CORIN: variants seen among roughly 807,000 people sequenced by gnomAD.
The protein encoded by CORIN is atrial natriuretic peptide-converting enzyme.
CORIN carries 117 observed loss-of-function variants against 125.3 expected under a neutral mutation model. The ratio of observed to expected loss-of-function variants is 0.93; its 90% CI spans 0.80 to 1.09. The LOEUF (loss-of-function observed/expected upper bound fraction) is 1.09, where lower values mean the gene tolerates loss of function less well. Among genes scored for constraint, CORIN ranks in the 50% least tolerant of loss-of-function variants. The pLI, the probability that CORIN is intolerant of heterozygous loss-of-function variation, is 0.00. For missense variants in CORIN, 1,253 were observed against 1,306.7 expected, an observed-to-expected ratio of 0.96 and a Z score of 0.63; for synonymous variants, 450 against 466.4, an observed-to-expected ratio of 0.96 and a Z score of 0.45.
At chr4:47,769,449 T>C (rs1006731310) in intron 3 of CORIN, among the ~76,000 whole-genome samples, 5 of 152,094 alleles carry the variant, frequency 3.3e-5, no homozygotes, top group African/African-American at 1.2e-4. Context: ...ATATTCATAC[T>C]ACCCAAAGTG....
chr4:47,613,826 G>A (rs1309688573), intron 19 of CORIN, among the ~76,000 whole-genome samples: 1 of 105,582 alleles, frequency 9.5e-6, no homozygotes, highest in Non-Finnish European at 1.9e-5. Context: ...GGGGAGGGGG[G>A]AGGGATAGCA....
intron 10 of CORIN, among the ~76,000 whole-genome samples, chr4:47,672,037 C>A (rs1337735539): frequency 6.6e-6 from 1 of 152,130 alleles, no homozygotes; most frequent in Non-Finnish European, 1.5e-5. Flanking sequence ...AAGCTGGTGA[C>A]ACAGTGAGAC....
At chr4:47,619,489 T>C (rs61759676) in intron 19 of CORIN, among the ~76,000 whole-genome samples, 23,086 of 152,204 alleles carry the variant, frequency 0.15, 2,350 homozygotes, top group South Asian at 0.26. Flanking sequence ...AGAATCAGGG[T>C]TATTAGCCCA....
In CORIN at chr4:47,807,027, A is replaced by G. The variant is rs1249293902; in HGVS notation, c.84T>C (p.Asn28=). 6.2e-7 allele frequency: 1 copy of G among 1,613,222 alleles called. No homozygotes were observed. The highest frequency in any genetic ancestry group is 2.2e-5 in the East Asian group (1 of 44,870). The change falls in exon 2 of 22, where the codon AAT becomes AAC. Residue 28 remains asparagine (N), a synonymous_variant. Coordinates refer to ENST00000273857, the MANE Select transcript of CORIN (RefSeq NM_006587.4). ...TCTGAGAGCAGCCATTGCCCATGTT[A>G]TTGTCATCAGCTCTCAAGACCTAAA... The part of the protein sequence containing the change: ...SPKPVLRADD[N]NMGNGCSQKL...
chr4:47,667,092 G>A (rs775571983), intron 10 of CORIN, among the ~76,000 whole-genome samples: 1 of 152,182 alleles, frequency 6.6e-6, no homozygotes, highest in Non-Finnish European at 1.5e-5. Flanking sequence ...TCTCATGGTA[G>A]TGAATAAGTC....
In CORIN at chr4:47,645,186, CT is replaced by C; in HGVS notation, c.1851del (p.Glu618ArgfsTer14). 1 of 1,579,500 alleles carries C rather than the reference CT, an allele frequency of 6.3e-7. No homozygotes were observed. Among genetic ancestry groups the C allele is most frequent in the Non-Finnish European group, 8.7e-7 (1 of 1,150,696 alleles). On this transcript the variant is annotated frameshift_variant, in exon 14 of 22. Coordinates refer to ENST00000273857, the MANE Select transcript of CORIN (RefSeq NM_006587.4). LOFTEE classifies it high-confidence loss of function. ...DDSDEENCGC[K>X]ERDLWECPSN... ...GATGGACATTCCCAAAGATCTCTCT[CT>C]TTACAACCTAGAGACAGAAGAAAAG... is the stretch of plus-strand genomic sequence containing the variant.
intron 1 of CORIN, among the ~76,000 whole-genome samples, chr4:47,811,497 A>G (rs112557792): frequency 9.9e-5 from 15 of 152,200 alleles, no homozygotes; most frequent in African/African-American, 3.6e-4. Context: ...ACATCTGCGA[A>G]TGGCAGACAA....
At chr4:47,812,955 A>T (rs1010313702) in intron 1 of CORIN, among the ~76,000 whole-genome samples, 2 of 152,214 alleles carry the variant, frequency 1.3e-5, no homozygotes, top group African/African-American at 4.8e-5. Flanking sequence ...AAGAAGTAAA[A>T]ATATAAATAA....
At chr4:47,764,404 A>G (rs1314366645) in intron 3 of CORIN, among the ~76,000 whole-genome samples, 2 of 152,208 alleles carry the variant, frequency 1.3e-5, no homozygotes, top group African/African-American at 4.8e-5. Flanking sequence ...GATATAAACA[A>G]AAATGTTGAC....
chr4:47,779,479 C>A (rs1184400281), intron 3 of CORIN, among the ~76,000 whole-genome samples: 2 of 151,216 alleles, frequency 1.3e-5, no homozygotes, highest in African/African-American at 2.4e-5. Flanking sequence ...CTGTTTCACC[C>A]AGGCTGGAGT....
At chr4:47,818,878 GAA>G (rs79110235) in intron 1 of CORIN, among the ~76,000 whole-genome samples, 5 of 52,616 alleles carry the variant, frequency 9.5e-5, no homozygotes, top group Admixed American at 2.2e-4. Flanking sequence ...GTCAAAAACA[GAA>G]AAAAAAAAAA....
intron 21 of CORIN, among the ~76,000 whole-genome samples, chr4:47,598,555 A>C (rs1721336273): frequency 6.6e-6 from 1 of 152,176 alleles, no homozygotes; most frequent in Non-Finnish European, 1.5e-5. Flanking sequence ...AGCAACTGCC[A>C]AGAGATGATC....
intron 1 of CORIN, among the ~76,000 whole-genome samples, chr4:47,822,455 C>A (rs1453603658): frequency 1.3e-5 from 2 of 152,186 alleles, no homozygotes; most frequent in Non-Finnish European, 2.9e-5. Flanking sequence ...CTCAATAATA[C>A]CCCTTCTACC....
chr4:47,763,466 T>G lies in CORIN; in HGVS notation c.530A>C (p.Tyr177Ser), dbSNP rs760628145. The G allele has an allele frequency of 8.1e-6, 13 of 1,613,982 alleles. No individual in the cohort carries two copies. The South Asian group carries it at 1.4e-4, about 18-fold the overall frequency. ...EMEKFLKFFT[Y>S]LHRLSCYQHI... ...TTGATAGCAACTGAGGCGATGGAGA[T>G]ATGTGAAAAACTTGAGGAACTTTTC... The change falls in exon 4 of 22, where the codon TAT becomes TCT. Residue 177 changes from tyrosine (Y) to serine (S), a missense_variant. Coordinates refer to ENST00000273857, the MANE Select transcript of CORIN (RefSeq NM_006587.4).
chr4:47,629,348 A>C (rs1722713831), intron 16 of CORIN, among the ~76,000 whole-genome samples: 1 of 152,090 alleles, frequency 6.6e-6, no homozygotes, highest in Non-Finnish European at 1.5e-5. Flanking sequence ...TCCTTTTAGA[A>C]ATGTCTGTTC....
chr4:47,739,109 A>C (rs1356898317), intron 5 of CORIN, among the ~76,000 whole-genome samples: 1 of 152,160 alleles, frequency 6.6e-6, no homozygotes, highest in African/African-American at 2.4e-5. Context: ...AGTCCCAGAA[A>C]GAGATAAAAG....
At chr4:47,834,825 A>G (rs1031803035) in intron 1 of CORIN, among the ~76,000 whole-genome samples, 8 of 152,208 alleles carry the variant, frequency 5.3e-5, no homozygotes, top group Non-Finnish European at 1.0e-4. Flanking sequence ...TCACCAGAAT[A>G]TACCACTATT....
intron 19 of CORIN, among the ~76,000 whole-genome samples, chr4:47,613,814 G>A (rs1389223019): frequency 8.3e-6 from 1 of 120,884 alleles, no homozygotes; most frequent in Non-Finnish European, 1.7e-5. Context: ...GTTGTGGGGT[G>A]GGGGGAGGGG....
chr4:47,769,333 A>G (rs1729913057), intron 3 of CORIN, among the ~76,000 whole-genome samples: 1 of 152,140 alleles, frequency 6.6e-6, no homozygotes, highest in South Asian at 2.1e-4. Flanking sequence ...GAGGTGAAAG[A>G]TCTTACACTG....
Sources: gnomAD v4.1 joint callset for allele counts (sites outside exome capture counted in the v4.1 genomes callset) on GRCh38, gnomAD v4.1.1 for gene constraint, MANE v1.5 for transcripts, NCBI Gene and HGNC (gene_info 2026-07-23, HGNC 2026-07-21) for gene names.